MGST2: variants seen among roughly 807,000 people sequenced by gnomAD.
MGST2 encodes microsomal glutathione S-transferase 2.
In MGST2, 9 loss-of-function variants were observed where a neutral mutation model predicts 16.6. The ratio of observed to expected loss-of-function variants is 0.54; its 90% CI spans 0.33 to 0.95. The LOEUF (loss-of-function observed/expected upper bound fraction) is 0.95, where lower values mean the gene tolerates loss of function less well. MGST2 is among the 40% of genes least tolerant of loss of function. MGST2 has a pLI of 0.03. For synonymous variants in MGST2, 79 were observed against 68.0 expected, an observed-to-expected ratio of 1.16 and a Z score of -0.79; for missense variants, 159 against 175.1, an observed-to-expected ratio of 0.91 and a Z score of 0.52.
chr4:139,724,752 C>G (rs1200029095), intron 5 of MGST2, among the ~76,000 whole-genome samples: 8 of 150,542 alleles, frequency 5.3e-5, no homozygotes, highest in African/African-American at 1.9e-4. Flanking sequence ...ATTTTCTTCA[C>G]CCCATATAAG....
At chr4:139,697,133 G>A (rs1726970572) in intron 3 of MGST2, among the ~76,000 whole-genome samples, 1 of 152,058 alleles carries the variant, frequency 6.6e-6, no homozygotes, top group East Asian at 1.9e-4. Context: ...TGACTGGCAG[G>A]TGCTGTTTAT....
chr4:139,748,586 G>T, the MGST2 span, among the ~76,000 whole-genome samples: 1 of 152,204 alleles, frequency 6.6e-6, no homozygotes, highest in Non-Finnish European at 1.5e-5. Context: ...ACAGACCCTG[G>T]CTGGGAGGAC....
In MGST2 at chr4:139,695,417, T is replaced by G. The variant is rs187149397; in HGVS notation, c.229+150T>G. The G allele has an allele frequency of 2.3e-3, 1,548 of 669,326 alleles. 4 individuals are homozygous for G. The highest frequency in any genetic ancestry group is 4.4e-3 in the Middle Eastern group (11 of 2,490). 41.5% of individuals were successfully genotyped at this position (669,326 alleles called of 1,614,324 possible). A position where few individuals can be genotyped will look rare whatever the true frequency, so the allele number is the denominator to read the frequency against. ...TGGGTGGATCACCTGAGGTCAGGAG[T>G]TCGAGACCAGCCTGGCCAAAATGGT... On this transcript the variant is annotated intron_variant, in intron 3 of 4. Coordinates refer to ENST00000265498, the MANE Select transcript of MGST2 (RefSeq NM_002413.5).
chr4:139,719,432 C>A (rs1192052716), intron 5 of MGST2: 1 of 1,613,900 alleles, frequency 6.2e-7, no homozygotes, highest in Non-Finnish European at 8.5e-7. Flanking sequence ...AGGGAAGGAA[C>A]CCCCAGCTCC....
intron 1 of MGST2, among the ~76,000 whole-genome samples, chr4:139,672,550 A>C (rs1730753854): frequency 6.6e-6 from 1 of 151,826 alleles, no homozygotes; most frequent in Non-Finnish European, 1.5e-5. Flanking sequence ...TATGAATGAG[A>C]AAACTCCAAT....
intron 2 of MGST2, among the ~76,000 whole-genome samples, chr4:139,691,122 A>AT (rs1334644527): frequency 6.6e-6 from 1 of 152,158 alleles, no homozygotes; most frequent in Non-Finnish European, 1.5e-5. Flanking sequence ...TCGCCAGGGA[A>AT]TGAGTATACA....
chr4:139,740,100 C>T (rs1247578736), intron 5 of MGST2: 3 of 152,160 alleles, frequency 2.0e-5, no homozygotes, highest in African/African-American at 4.8e-5. Flanking sequence ...ACAAAGAGCT[C>T]CTAAGTCCCA....
downstream of MGST2, among the ~76,000 whole-genome samples, chr4:139,741,724 G>A (rs1729171036): frequency 6.6e-6 from 1 of 152,198 alleles, no homozygotes; most frequent in South Asian, 2.1e-4. Context: ...TCCAGCTTGG[G>A]TGACAGAGTG....
At chr4:139,717,011 T>TA (rs1053184163) in intron 5 of MGST2, 1 of 152,566 alleles carries the variant, frequency 6.6e-6, no homozygotes, top group African/African-American at 2.4e-5. Flanking sequence ...AGGAATGAAA[T>TA]AAAAATACTC....
intron 2 of MGST2, among the ~76,000 whole-genome samples, chr4:139,687,128 G>C (rs1181484920): frequency 6.6e-6 from 1 of 152,144 alleles, no homozygotes; most frequent in Non-Finnish European, 1.5e-5. Flanking sequence ...GAGATGTTTT[G>C]CTTTGTTGGA....
chr4:139,719,148 T>G, intron 5 of MGST2: 1 of 663,224 alleles, frequency 1.5e-6, no homozygotes, highest in Non-Finnish European at 2.4e-6. Context: ...TCAGGTGAAA[T>G]GAGGCCTGGT....
intron 5 of MGST2, among the ~76,000 whole-genome samples, chr4:139,722,497 G>A (rs1173166739): frequency 6.6e-6 from 1 of 152,104 alleles, no homozygotes; most frequent in Non-Finnish European, 1.5e-5. Context: ...AGATATTATT[G>A]TGAGACACTG....
chr4:139,680,570 C>G (rs1453013170), intron 2 of MGST2, among the ~76,000 whole-genome samples: 2 of 152,106 alleles, frequency 1.3e-5, no homozygotes, highest in African/African-American at 4.8e-5. Flanking sequence ...CTTATACTGT[C>G]CTGATTTGGA....
intron 1 of MGST2, among the ~76,000 whole-genome samples, chr4:139,671,945 C>G (rs1488383102): frequency 2.0e-5 from 3 of 152,072 alleles, no homozygotes; most frequent in African/African-American, 7.2e-5. Flanking sequence ...CCTGGCCCCA[C>G]TCTCATCATA....
At chr4:139,688,350 G>T (rs1222046666) in intron 2 of MGST2, among the ~76,000 whole-genome samples, 1 of 152,132 alleles carries the variant, frequency 6.6e-6, no homozygotes, top group Non-Finnish European at 1.5e-5. Flanking sequence ...TAAGACAGAA[G>T]AATTGCTTCT....
intron 5 of MGST2, chr4:139,730,271 TC>T: frequency 1.4e-6 from 1 of 722,684 alleles, no homozygotes; most frequent in Non-Finnish European, 2.3e-6. Context: ...TCTAAATTCT[TC>T]AGGTTCTCTT....
At chr4:139,736,972 A>C (rs749127706) in intron 5 of MGST2, among the ~76,000 whole-genome samples, 1 of 152,208 alleles carries the variant, frequency 6.6e-6, no homozygotes, top group Non-Finnish European at 1.5e-5. Flanking sequence ...TGATGTTTGC[A>C]ATGCAAACCC....
chr4:139,734,085 A>G (rs768032292), intron 5 of MGST2, among the ~76,000 whole-genome samples: 2 of 152,192 alleles, frequency 1.3e-5, no homozygotes, highest in Non-Finnish European at 2.9e-5. Flanking sequence ...AGAGACACCT[A>G]CAGCCCCCGA....
At chr4:139,706,422 C>G (rs946860822), downstream of MGST2, among the ~76,000 whole-genome samples, 2 of 152,122 alleles carry the variant, frequency 1.3e-5, no homozygotes, top group African/African-American at 4.8e-5. Flanking sequence ...GGCAAATATG[C>G]TAAAAAGCTA....
Sources: allele counts gnomAD v4.1 joint callset (sites outside exome capture counted in the v4.1 genomes callset), GRCh38; gene constraint gnomAD v4.1.1; transcripts MANE v1.5; gene names NCBI Gene and HGNC (gene_info 2026-07-23, HGNC 2026-07-21).